ELOVL4: variants seen among roughly 807,000 people sequenced by gnomAD.
The protein encoded by ELOVL4 is ELOVL fatty acid elongase 4.
In ELOVL4, 18 loss-of-function variants were observed where a neutral mutation model predicts 42.1. The ratio of observed to expected loss-of-function variants is 0.43; its 90% CI spans 0.30 to 0.63. The LOEUF (loss-of-function observed/expected upper bound fraction) is 0.63. ELOVL4 is among the 30% of genes least tolerant of loss of function. ELOVL4 has a pLI of 0.15. For missense variants in ELOVL4, 299 were observed against 376.2 expected (o/e 0.79, Z 1.70); for synonymous variants, 117 against 127.0 (o/e 0.92, Z 0.53).
intron 2 of ELOVL4, among the ~76,000 whole-genome samples, chr6:79,925,842 G>A (rs948569942): frequency 2.0e-5 from 3 of 152,126 alleles, no homozygotes; most frequent in Admixed American, 6.6e-5. Context: ...CTTAATACGT[G>A]CCAAACACTA....
intron 1 of ELOVL4, among the ~76,000 whole-genome samples, chr6:79,928,736 T>TTG (rs1554162873): frequency 2.2e-5 from 3 of 138,066 alleles, no homozygotes; most frequent in Non-Finnish European, 3.1e-5. Context: ...GGTTTTTTTT[T>TTG]TTTTTTTTTT....
intron 1 of ELOVL4, among the ~76,000 whole-genome samples, chr6:79,928,038 A>AT (rs1242892263): frequency 2.0e-5 from 3 of 152,092 alleles, no homozygotes; most frequent in Non-Finnish European, 4.4e-5. Flanking sequence ...TTCTATGACC[A>AT]TATCTTTCTA....
chr6:79,916,429 TA>T lies in ELOVL4; in HGVS notation c.*178del. ...AAAAATGTTTAAAATAAAAACTTCA[TA>T]AATAAAACATCTGGGTATGGTATTA... On this transcript the variant is annotated 3_prime_UTR_variant, in exon 6 of 6. Transcript: ENST00000369816. 2.9e-6 allele frequency: 2 copies of T among 687,646 alleles called. No homozygotes were observed. Among genetic ancestry groups the T allele is most frequent in the Non-Finnish European group, 4.9e-6 (2 of 411,056 alleles). The allele number at this position is 687,646 out of a possible 1,614,324, so 42.6% of individuals were successfully genotyped here.
At chr6:79,931,583 A>T (rs1316388297) in intron 1 of ELOVL4, among the ~76,000 whole-genome samples, 1 of 152,202 alleles carries the variant, frequency 6.6e-6, no homozygotes, top group Non-Finnish European at 1.5e-5. Context: ...GAATGACAAG[A>T]GTTACTCAAA....
At chr6:79,944,072 A>G (rs1774695690) in intron 1 of ELOVL4, among the ~76,000 whole-genome samples, 1 of 152,198 alleles carries the variant, frequency 6.6e-6, no homozygotes, top group African/African-American at 2.4e-5. Flanking sequence ...GCTTTACCGT[A>G]AGCATCCTAC....
chr6:79,947,247 G>A lies in ELOVL4; in HGVS notation c.33C>T (p.Val11=), dbSNP rs746684315. MGLLDSEPGS[V]LNVVSTALND... ...TGAGTGCCGTGGACACTACGTTTAG[G>A]ACACTACCCGGCTCCGAGTCCAGGA... The change falls in exon 1 of 6, where the codon GTC becomes GTT. Residue 11 remains valine, a synonymous_variant. Coordinates refer to ENST00000369816, the MANE Select transcript of ELOVL4 (RefSeq NM_022726.4). The A allele has an allele frequency of 4.3e-6, 7 of 1,612,998 alleles. No homozygotes were observed. The highest frequency in any genetic ancestry group is 1.1e-5 in the South Asian group (1 of 90,992).
intron 1 of ELOVL4, among the ~76,000 whole-genome samples, chr6:79,928,277 T>C (rs1317192675): frequency 6.6e-6 from 1 of 152,134 alleles, no homozygotes; most frequent in Admixed American, 6.5e-5. Context: ...AGAGCAAAAG[T>C]ACTCTGATTA....
intron 1 of ELOVL4, among the ~76,000 whole-genome samples, chr6:79,937,298 T>A (rs1774560379): frequency 6.6e-6 from 1 of 152,156 alleles, no homozygotes. Context: ...ATTGCAAGTT[T>A]GCCTGAATAG....
At chr6:79,932,212 G>A (rs1774456884) in intron 1 of ELOVL4, among the ~76,000 whole-genome samples, 2 of 152,064 alleles carry the variant, frequency 1.3e-5, no homozygotes, top group African/African-American at 4.8e-5. Context: ...TCACTAAAAG[G>A]AGTCAATTTT....
At chr6:79,923,250 T>C (rs1352059260) in intron 3 of ELOVL4, among the ~76,000 whole-genome samples, 3 of 152,216 alleles carry the variant, frequency 2.0e-5, no homozygotes, top group Admixed American at 1.3e-4. Context: ...TTCACTCTAT[T>C]GCATCCCATA....
At chr6:79,928,679 A>G (rs1774387320) in intron 1 of ELOVL4, among the ~76,000 whole-genome samples, 1 of 150,560 alleles carries the variant, frequency 6.6e-6, no homozygotes, top group African/African-American at 2.4e-5. Flanking sequence ...TAACAGAGGC[A>G]TCAGAGAAAG....
At position 79,947,302 on chromosome 6, in the gene ELOVL4, C is replaced by G; in HGVS notation, c.-23G>C. On this transcript the variant is annotated 5_prime_UTR_variant, in exon 1 of 6. Coordinates refer to ENST00000369816, the MANE Select transcript of ELOVL4 (RefSeq NM_022726.4). ...CATCGCGGCGATGAGCGGGCGCTGG[C>G]GGCAGGAGAAAGCGGAGACCCAGAG... is the stretch of plus-strand genomic sequence containing the variant. 1.3e-6 allele frequency: 2 copies of G among 1,589,876 alleles called. No individual in the cohort carries two copies. Among genetic ancestry groups the G allele is most frequent in the South Asian group, 2.2e-5 (2 of 90,026 alleles).
At chr6:79,941,429 T>C (rs1256360969) in intron 1 of ELOVL4, among the ~76,000 whole-genome samples, 1 of 152,206 alleles carries the variant, frequency 6.6e-6, no homozygotes, top group Non-Finnish European at 1.5e-5. Flanking sequence ...AGAACAATCA[T>C]ATCTGATTTT....
chr6:79,928,408 A>G (rs1290181520), intron 1 of ELOVL4, among the ~76,000 whole-genome samples: 5 of 152,190 alleles, frequency 3.3e-5, no homozygotes, highest in African/African-American at 9.7e-5. Context: ...GACTTCAAAG[A>G]AAGTTCTGAG....
chr6:79,946,813 C>T (rs1003005468), intron 1 of ELOVL4, among the ~76,000 whole-genome samples: 5 of 152,162 alleles, frequency 3.3e-5, no homozygotes, highest in Non-Finnish European at 5.9e-5. Context: ...TAAAAGGAAT[C>T]CTGTGCACGG....
At chr6:79,933,395 T>A (rs1477378746) in intron 1 of ELOVL4, among the ~76,000 whole-genome samples, 4 of 152,028 alleles carry the variant, frequency 2.6e-5, no homozygotes, top group Non-Finnish European at 5.9e-5. Context: ...AACACCCAGC[T>A]AATTTTTGTG....
rs1009869623 is a variant in ELOVL4 at position 79,916,258 on chromosome 6, C to T, written c.*350G>A. On this transcript the variant is annotated 3_prime_UTR_variant, in exon 6 of 6. Coordinates refer to ENST00000369816, the MANE Select transcript of ELOVL4 (RefSeq NM_022726.4). Reference sequence around the variant, plus strand: ...AATTCATAAAGACCGTTTCTGTGATCGTCTAAAATTCAGACCGAAGAATGA... The same window carrying T: ...AATTCATAAAGACCGTTTCTGTGATTGTCTAAAATTCAGACCGAAGAATGA... 7.2e-5 allele frequency: 16 copies of T among 223,680 alleles called. No individual in the cohort carries two copies. Among genetic ancestry groups the T allele is most frequent in the African/African-American group, 2.5e-4 (11 of 43,384 alleles). 13.9% of individuals were successfully genotyped at this position (223,680 alleles called of 1,614,324 possible).
intron 1 of ELOVL4, among the ~76,000 whole-genome samples, chr6:79,944,425 A>T (rs1774702282): frequency 6.6e-6 from 1 of 152,222 alleles, no homozygotes; most frequent in African/African-American, 2.4e-5. Context: ...TCCTCGTTCA[A>T]AATGTCTACA....
At position 79,915,125 on chromosome 6, in the gene ELOVL4, A is replaced by G. The variant is rs1190707709; in HGVS notation, c.*1483T>C. On this transcript the variant is annotated 3_prime_UTR_variant, in exon 6 of 6. Transcript: ENST00000369816. ...CATACATCCTACACATGCAGCTTTG[A>G]CATGTTGTTGAGATACTTAAGAAAT... The G allele has an allele frequency of 6.6e-6, 1 of 152,522 alleles. No individual in the cohort carries two copies. Among genetic ancestry groups the G allele is most frequent in the Admixed American group, 6.5e-5 (1 of 15,268 alleles). The allele number at this position is 152,522 out of a possible 1,614,324, so 9.4% of individuals were successfully genotyped here. A position where few individuals can be genotyped will look rare whatever the true frequency, so the allele number is the denominator to read the frequency against.
Sources: gnomAD v4.1 joint callset for allele counts (sites outside exome capture counted in the v4.1 genomes callset) on GRCh38, gnomAD v4.1.1 for gene constraint, MANE v1.5 for transcripts, NCBI Gene and HGNC (gene_info 2026-07-23, HGNC 2026-07-21) for gene names.